The following MTMR12 variants were observed in gnomAD, a reference collection of about 807,000 sequenced individuals.
MTMR12 encodes the protein myotubularin related protein 12.
MTMR12 carries 33 observed loss-of-function variants against 96.7 expected under a neutral mutation model. That is an observed-to-expected ratio of 0.34 (90% CI 0.26 to 0.46). The LOEUF is 0.46. Among genes scored for constraint, MTMR12 ranks in the 20% least tolerant of loss-of-function variants. The pLI is 1.00. For synonymous variants in MTMR12, 298 were observed against 327.2 expected (o/e 0.91, Z 0.96); for missense variants, 721 against 896.1 (o/e 0.80, Z 2.49).
intron 14 of MTMR12, 82 bp downstream of exon 14, chr5:32,234,880 T>G: frequency 7.4e-7 from 1 of 1,354,066 alleles, no homozygotes; most frequent in Non-Finnish European, 1.0e-6. Context: ...GAGCACCATT[T>G]TATTTGTAGC....
intron 11 of MTMR12, 132 bp downstream of exon 11, chr5:32,243,389 C>A: frequency 1.6e-6 from 1 of 642,524 alleles, no homozygotes; most frequent in Non-Finnish European, 2.6e-6. Context: ...AATATAAAAT[C>A]TAGCTGTAGA....
In MTMR12 at chr5:32,250,308, G is replaced by A. The variant is rs182161788; in HGVS notation, c.790-1430C>T. Among the ~76,000 whole-genome samples, 27 of 152,282 alleles carry A rather than the reference G, an allele frequency of 1.8e-4. No individual in the cohort carries two copies. The East Asian group carries it at 5.0e-3, about 28-fold the overall frequency. ...GGGAGCTGATGGTCTGCTGCAGTGG[G>A]GGAGCTGATGAGCCCAGCCAGAGAG... On this transcript the variant is annotated intron_variant, in intron 8 of 15. Transcript: ENST00000382142.
intron 7 of MTMR12, among the ~76,000 whole-genome samples, chr5:32,258,894 GT>G (rs1260940497): frequency 7.8e-6 from 1 of 128,664 alleles, no homozygotes; most frequent in Non-Finnish European, 1.6e-5. Context: ...CTTATAGATG[GT>G]CTTTCACAAA....
At position 32,235,783 on chromosome 5, in the gene MTMR12, C is replaced by T. The variant is rs532598654; in HGVS notation, c.1345-654G>A. 1.4e-4 allele frequency among the ~76,000 whole-genome samples: 22 copies of T among 152,330 alleles called. No homozygotes were observed. In the South Asian group the frequency reaches 3.5e-3, roughly 24 times the overall value. On this transcript the variant is annotated intron_variant, in intron 13 of 15. Transcript: ENST00000382142. The stretch of plus-strand genomic sequence containing the variant: ...AGCCTCATTTATTAGCTCCCAGAGG[C>T]GAGCCCTTGATGAGCAGGGAGAGTA...
At chr5:32,286,390 C>T (rs575979020) in intron 1 of MTMR12, among the ~76,000 whole-genome samples, 16 of 151,774 alleles carry the variant, frequency 1.1e-4, no homozygotes, top group South Asian at 1.0e-3. Flanking sequence ...ATTAGCCAGG[C>T]GTGGTGGCAT....
At chr5:32,240,842 C>T (rs1748439766) in intron 12 of MTMR12, among the ~76,000 whole-genome samples, 1 of 152,182 alleles carries the variant, frequency 6.6e-6, no homozygotes, top group Non-Finnish European at 1.5e-5. Flanking sequence ...CCCAAGTGAT[C>T]TGCCTGCCTT....
chr5:32,283,732 A>C (rs1400338976), intron 1 of MTMR12, among the ~76,000 whole-genome samples: 1 of 152,214 alleles, frequency 6.6e-6, no homozygotes, highest in East Asian at 1.9e-4. Flanking sequence ...AATGAGAGTT[A>C]TAGAGAGGCC....
chr5:32,246,170 GT>G (rs113738556), intron 10 of MTMR12, among the ~76,000 whole-genome samples: 43 of 82,790 alleles, frequency 5.2e-4, no homozygotes, highest in South Asian at 1.9e-3. Flanking sequence ...TGAGTAGACA[GT>G]TTTTTTTTTT....
At chr5:32,245,831 A>G (rs924171910) in intron 10 of MTMR12, among the ~76,000 whole-genome samples, 16 of 147,350 alleles carry the variant, frequency 1.1e-4, no homozygotes, top group African/African-American at 3.9e-4. Context: ...TTGTCTCAGA[A>G]AAAAAAAAAC....
At chr5:32,250,705 A>C (rs530357483) in intron 8 of MTMR12, among the ~76,000 whole-genome samples, 12 of 152,238 alleles carry the variant, frequency 7.9e-5, no homozygotes, top group Admixed American at 1.3e-4. Flanking sequence ...GCAGAAGGGC[A>C]GAAAGCATAG....
chr5:32,243,647 A>G, intron 10 of MTMR12, 48 bp from the exon 11 acceptor site: 1 of 1,231,794 alleles, frequency 8.1e-7, no homozygotes, highest in Non-Finnish European at 1.2e-6. Context: ...GTTCACTGAC[A>G]TACTTGCCAC....
At chr5:32,260,147 G>A (rs1463747253) in intron 7 of MTMR12, among the ~76,000 whole-genome samples, 3 of 151,498 alleles carry the variant, frequency 2.0e-5, no homozygotes, top group Non-Finnish European at 4.4e-5. Flanking sequence ...AGGAGCCTGT[G>A]GGTAAGACCT....
At chr5:32,303,833 C>A (rs939614351) in intron 1 of MTMR12, among the ~76,000 whole-genome samples, 1 of 141,922 alleles carries the variant, frequency 7.0e-6, no homozygotes, top group Non-Finnish European at 1.5e-5. Flanking sequence ...AACTCACTGC[C>A]CTCTTTGCCA....
At position 32,297,551 on chromosome 5, in the gene MTMR12, GTTT is replaced by G. The variant is rs61395255; in HGVS notation, c.81+15204_81+15206del. On this transcript the variant is annotated intron_variant, in intron 1 of 15. Transcript: ENST00000382142. ...GACCCTGCTTTTTTCCTGACCTCAG[GTTT>G]TTTTTTTTTTTTTGAAGGAAGAGAG... 7.4e-4 allele frequency among the ~76,000 whole-genome samples: 106 copies of G among 142,866 alleles called. No homozygotes were observed. The East Asian group carries it at 7.5e-3, about 10-fold the overall frequency. The allele number at this position is 142,866 out of a possible 152,430, so 93.7% of individuals were successfully genotyped here.
At chr5:32,290,258 T>C (rs113214086) in intron 1 of MTMR12, among the ~76,000 whole-genome samples, 2,772 of 152,334 alleles carry the variant, frequency 0.018, 92 homozygotes, top group African/African-American at 0.063. Flanking sequence ...ATAATCTTAT[T>C]TGAAGAGACC....
Position 32,230,114 on chromosome 5 carries a change from G to A in MTMR12, c.1908C>T (p.Ile636=), listed in dbSNP as rs369465195. The change falls in exon 16 of 16, where the codon ATC becomes ATT. Residue 636 remains isoleucine, a synonymous_variant. Transcript: ENST00000382142. ...GTAGGTAGCGCTGGGCCCAGACTTT[G>A]ATTTCGGGCCCCTCGATATGCGGTA... ...LLLPHIEGPE[I]KVWAQRYLRW... The A allele has an allele frequency of 1.9e-6, 3 of 1,612,408 alleles. No homozygotes were observed. The highest frequency in any genetic ancestry group is 1.7e-6 in the Non-Finnish European group (2 of 1,178,844).
intron 8 of MTMR12, among the ~76,000 whole-genome samples, chr5:32,253,915 C>T (rs539948484): frequency 6.8e-4 from 103 of 152,366 alleles, no homozygotes; most frequent in African/African-American, 2.3e-3. Context: ...TGAGCCACTA[C>T]GCCCTGCATT....
chr5:32,287,509 A>G (rs1404319774), intron 1 of MTMR12, among the ~76,000 whole-genome samples: 2 of 152,180 alleles, frequency 1.3e-5, no homozygotes, highest in African/African-American at 4.8e-5. Context: ...TGATCATGTA[A>G]TTTAATATTT....
chr5:32,307,161 G>C (rs943111324), intron 1 of MTMR12, among the ~76,000 whole-genome samples: 1 of 152,104 alleles, frequency 6.6e-6, no homozygotes, highest in Non-Finnish European at 1.5e-5. Context: ...AATACACTCC[G>C]AGTTGTTTAT....
Sources: gnomAD v4.1 joint callset for allele counts (sites outside exome capture counted in the v4.1 genomes callset) on GRCh38, gnomAD v4.1.1 for gene constraint, MANE v1.5 for transcripts, NCBI Gene and HGNC (gene_info 2026-07-23, HGNC 2026-07-21) for gene names.